Variants in ABCA4 observed in about 807,000 individuals in gnomAD.
The protein encoded by ABCA4 is retinal-specific phospholipid-transporting ATPase ABCA4.
In ABCA4, 196 loss-of-function variants were observed where a neutral mutation model predicts 263.7. The ratio of observed to expected loss-of-function variants is 0.74; its 90% CI spans 0.66 to 0.84. The LOEUF (loss-of-function observed/expected upper bound fraction) is 0.84. Ranked by LOEUF, ABCA4 falls within the 40% of genes least tolerant of loss-of-function variation. The pLI is 0.00. For missense variants in ABCA4, 2,792 were observed against 2,855.1 expected (o/e 0.98, Z 0.50); for synonymous variants, 1,133 against 1,094.2 (o/e 1.04, Z -0.70).
At position 94,113,059 on chromosome 1, in the gene ABCA4, A is replaced by G. The variant is rs757050873; in HGVS notation, c.74T>C (p.Phe25Ser). 3.7e-6 allele frequency: 6 copies of G among 1,614,104 alleles called. No homozygotes were observed. Among genetic ancestry groups the G allele is most frequent in the Non-Finnish European group, 4.2e-6 (5 of 1,179,990 alleles). The change falls in exon 2 of 50, where the codon TTT becomes TCT. Residue 25 changes from phenylalanine (F) to serine (S), a missense_variant. Phe to Ser is a radical substitution (Grantham distance 155, BLOSUM62 -2). Coordinates refer to ENST00000370225, the MANE Select transcript of ABCA4 (RefSeq NM_000350.3). ...WTLRKRQKIR[F>S]VVELVWPLSL... is the part of the protein sequence containing the mutation. ...TAAAGGCCACACGAGTTCCACCACA[A>G]AGCGAATCTGGAAAAACAAAACAAA... is the stretch of plus-strand genomic sequence containing the variant.
At chr1:94,001,749 A>G (rs1659189916) in intron 45 of ABCA4, 109 bp downstream of exon 45, 2 of 1,525,800 alleles carry the variant, frequency 1.3e-6, no homozygotes, top group Non-Finnish European at 1.8e-6. Context: ...GTCCAGACTA[A>G]AGCCAAACTG....
intron 35 of ABCA4, 39 bp from the exon 36 acceptor site, chr1:94,019,798 G>C: frequency 6.3e-7 from 1 of 1,591,556 alleles, no homozygotes; most frequent in Non-Finnish European, 8.6e-7. Flanking sequence ...GGGCGATGAA[G>C]AGGGAAGAGC....
chr1:94,098,735 A>G (rs1479958617), intron 6 of ABCA4, 59 bp downstream of exon 6: 1 of 1,586,610 alleles, frequency 6.3e-7, no homozygotes, highest in Non-Finnish European at 8.7e-7. Context: ...TCAATTCGTG[A>G]GGCTCTGCTA....
chr1:94,047,215 A>G (rs1660711031), intron 18 of ABCA4, 122 bp from the exon 19 acceptor site: 1 of 1,092,866 alleles, frequency 9.2e-7, no homozygotes, highest in African/African-American at 1.5e-5. Flanking sequence ...TTCGGCTATC[A>G]CCGTTGCAAG....
chr1:94,067,540 G>A (rs76646161), intron 11 of ABCA4, among the ~76,000 whole-genome samples: 1,631 of 152,284 alleles, frequency 0.011, 32 homozygotes, highest in African/African-American at 0.037. Flanking sequence ...TTTCAAAGGT[G>A]CTTTGTCTTC....
intron 11 of ABCA4, 36 bp downstream of exon 11, chr1:94,077,654 T>A (rs747338261): frequency 6.3e-7 from 1 of 1,577,542 alleles, no homozygotes; most frequent in South Asian, 1.2e-5. Context: ...TGGGGCTATC[T>A]TCAAGGGGCC....
At chr1:94,001,603 T>C (rs1474213202) in intron 45 of ABCA4, 1 of 652,136 alleles carries the variant, frequency 1.5e-6, no homozygotes, top group Non-Finnish European at 2.8e-6. Flanking sequence ...TGTGAGCCGA[T>C]GGCCCCACAG....
chr1:94,111,603 A>C, intron 2 of ABCA4, 24 bp from the exon 3 acceptor site: 1 of 1,613,994 alleles, frequency 6.2e-7, no homozygotes, highest in South Asian at 1.1e-5. Context: ...AATGAGGACA[A>C]GACGGGATTA....
rs778908435 is a variant in ABCA4 at position 94,113,067 on chromosome 1, C to G, written c.67-1G>C. Reference sequence around the variant, plus strand: ...ACACGAGTTCCACCACAAAGCGAATCTGGAAAAACAAAACAAAAAGAGAGA... The same window carrying G: ...ACACGAGTTCCACCACAAAGCGAATGTGGAAAAACAAAACAAAAAGAGAGA... On this transcript the variant is annotated splice_acceptor_variant, in intron 1 of 49. Transcript: ENST00000370225. LOFTEE classifies it high-confidence loss of function. 1 of 1,613,944 alleles carries G rather than the reference C, an allele frequency of 6.2e-7. No homozygotes were observed. The highest frequency in any genetic ancestry group is 8.5e-7 in the Non-Finnish European group (1 of 1,179,900).
intron 11 of ABCA4, among the ~76,000 whole-genome samples, chr1:94,076,262 C>T (rs1421895203): frequency 1.3e-5 from 2 of 152,104 alleles, no homozygotes; most frequent in African/African-American, 2.4e-5. Flanking sequence ...ATTGCTTCTG[C>T]TATGGGAAAG....
chr1:94,050,964 C>T (rs929849074), intron 17 of ABCA4, among the ~76,000 whole-genome samples: 2 of 152,212 alleles, frequency 1.3e-5, no homozygotes, highest in South Asian at 2.1e-4. Context: ...AATTTCTTTG[C>T]TTTCTCAGAC....
At chr1:94,087,516 C>G (rs1253069966) in intron 6 of ABCA4, among the ~76,000 whole-genome samples, 2 of 152,178 alleles carry the variant, frequency 1.3e-5, no homozygotes, top group Non-Finnish European at 2.9e-5. Context: ...TTGAAGTAGG[C>G]CCCTCTGCCC....
intron 47 of ABCA4, among the ~76,000 whole-genome samples, chr1:93,999,881 G>A (rs1659128280): frequency 1.3e-5 from 2 of 152,214 alleles, no homozygotes; most frequent in African/African-American, 4.8e-5. Context: ...CACAGGTCTG[G>A]TGACCTGACA....
chr1:94,019,861 A>G, intron 35 of ABCA4, 102 bp from the exon 36 acceptor site: 4 of 1,285,226 alleles, frequency 3.1e-6, no homozygotes, highest in Non-Finnish European at 4.4e-6. Flanking sequence ...ACACCCGCCC[A>G]GGTGTGGCCT....
intron 1 of ABCA4, among the ~76,000 whole-genome samples, chr1:94,117,370 C>T (rs1256684863): frequency 6.6e-6 from 1 of 152,076 alleles, no homozygotes; most frequent in Non-Finnish European, 1.5e-5. Context: ...CTTGCCACAT[C>T]CTCGGCTTGA....
intron 36 of ABCA4, among the ~76,000 whole-genome samples, chr1:94,018,330 T>G (rs181298638): frequency 1.1e-4 from 16 of 152,366 alleles, no homozygotes; most frequent in Non-Finnish European, 2.1e-4. Context: ...CCGGTGGGCC[T>G]AGCTCCTTTT....
rs1801466 is a variant in ABCA4, at chr1:94,010,911, T to A, written c.5603A>T (p.Asn1868Ile). ...CCCAATCAGGTCCCAGTGGAACGGA[T>A]TTGCAGAGTGCTCCTCACCTGGGCA... The part of the protein sequence containing the change: ...YARFGEEHSA[N>I]PFHWDLIGKN... Residue 1868 changes from asparagine to isoleucine, a missense_variant, in exon 40 of 50, where the codon AAT becomes ATT. Coordinates refer to ENST00000370225, the MANE Select transcript of ABCA4 (RefSeq NM_000350.3). The A allele has an allele frequency of 0.056, 90,059 of 1,613,960 alleles. 2,989 individuals are homozygous for A. The highest frequency in any genetic ancestry group is 0.067 in the Non-Finnish European group (79,445 of 1,179,974).
In ABCA4 at chr1:94,092,277, T is replaced by C. The variant is rs534809140; in HGVS notation, c.768+6517A>G. Among the ~76,000 whole-genome samples, 5 of 152,032 alleles carry C rather than the reference T, an allele frequency of 3.3e-5. No homozygotes were observed. The East Asian group carries it at 9.7e-4, about 29-fold the overall frequency. On this transcript the variant is annotated intron_variant, in intron 6 of 49. Coordinates refer to ENST00000370225, the MANE Select transcript of ABCA4 (RefSeq NM_000350.3). ...GTCTTGAAGGCATGCAGACCAGAGG[T>C]GAAAAGCAGTTGAAGCAGTGGACAG...
At chr1:94,077,964 T>C in intron 10 of ABCA4, 77 bp from the exon 11 acceptor site, 1 of 1,430,594 alleles carries the variant, frequency 7.0e-7, no homozygotes, top group South Asian at 1.2e-5. Flanking sequence ...CAGCCATTTC[T>C]AATTTTTAGT....
Sources: allele counts gnomAD v4.1 joint callset (sites outside exome capture counted in the v4.1 genomes callset), GRCh38; gene constraint gnomAD v4.1.1; transcripts MANE v1.5; gene names NCBI Gene and HGNC (gene_info 2026-07-23, HGNC 2026-07-21).